The following KCNH7 variants were observed in gnomAD, a reference collection of about 807,000 sequenced individuals.
The protein encoded by KCNH7 is potassium voltage-gated channel subfamily H member 7.
In KCNH7, 49 loss-of-function variants were observed where a neutral mutation model predicts 120.8. The ratio of observed to expected loss-of-function variants is 0.41; its 90% confidence interval spans 0.32 to 0.51. The LOEUF is 0.51. KCNH7 is among the 20% of genes least tolerant of loss of function. The pLI is 0.38. For missense variants in KCNH7, 1,097 were observed against 1,446.6 expected, an observed-to-expected ratio of 0.76 and a Z score of 3.92; for synonymous variants, 547 against 516.1, an observed-to-expected ratio of 1.06 and a Z score of -0.81.
intron 2 of KCNH7, among the ~76,000 whole-genome samples, chr2:162,571,754 T>C (rs1382132108): frequency 7.4e-6 from 1 of 135,174 alleles, no homozygotes; most frequent in Non-Finnish European, 1.5e-5. Flanking sequence ...TATCTACAAC[T>C]ATCTGATCTT....
At chr2:162,810,717 A>G (rs1273821115) in intron 2 of KCNH7, among the ~76,000 whole-genome samples, 1 of 152,156 alleles carries the variant, frequency 6.6e-6, no homozygotes, top group Non-Finnish European at 1.5e-5. Context: ...CTTAACAGAC[A>G]TGATTTTATG....
intron 9 of KCNH7, among the ~76,000 whole-genome samples, chr2:162,410,831 A>C (rs528335510): frequency 1.1e-3 from 172 of 152,280 alleles, no homozygotes; most frequent in Non-Finnish European, 2.1e-3. Context: ...ACCAGTGGCC[A>C]AGAAACATAT....
chr2:162,592,812 G>T (rs1378107958), intron 2 of KCNH7, among the ~76,000 whole-genome samples: 1 of 152,020 alleles, frequency 6.6e-6, no homozygotes, highest in Admixed American at 6.6e-5. Context: ...AGCTGGCCAC[G>T]TTTACAAATA....
chr2:162,562,577 T>C (rs1052717148), intron 2 of KCNH7, among the ~76,000 whole-genome samples: 1 of 152,178 alleles, frequency 6.6e-6, no homozygotes, highest in African/African-American at 2.4e-5. Context: ...ACTCGGTCCT[T>C]AGCTCAGACG....
intron 2 of KCNH7, among the ~76,000 whole-genome samples, chr2:162,643,385 A>G (rs142896719): frequency 6.4e-4 from 98 of 152,318 alleles, no homozygotes; most frequent in African/African-American, 1.6e-3. Flanking sequence ...ACCTCTCAGA[A>G]TATTTTTTAC....
At chr2:162,409,106 A>G (rs1454119231) in intron 9 of KCNH7, among the ~76,000 whole-genome samples, 1 of 151,766 alleles carries the variant, frequency 6.6e-6, no homozygotes, top group African/African-American at 2.4e-5. Flanking sequence ...TGAAAATGAA[A>G]AGAACAGTAG....
intron 2 of KCNH7, among the ~76,000 whole-genome samples, chr2:162,545,206 C>T (rs370921262): frequency 6.6e-6 from 1 of 152,138 alleles, no homozygotes; most frequent in Non-Finnish European, 1.5e-5. Context: ...ATGTCCTTCT[C>T]TAGGAGATGC....
At chr2:162,447,959 A>T (rs1688638522) in intron 6 of KCNH7, among the ~76,000 whole-genome samples, 1 of 152,124 alleles carries the variant, frequency 6.6e-6, no homozygotes, top group Non-Finnish European at 1.5e-5. Context: ...TCAAAAAATA[A>T]TAAAGAATCT....
chr2:162,513,636 G>A (rs921984130), intron 4 of KCNH7, among the ~76,000 whole-genome samples: 1 of 151,358 alleles, frequency 6.6e-6, no homozygotes, highest in African/African-American at 2.4e-5. Context: ...AACCACACCA[G>A]TCTGCCTGGC....
intron 2 of KCNH7, among the ~76,000 whole-genome samples, chr2:162,768,294 G>A (rs555234105): frequency 6.6e-6 from 1 of 151,958 alleles, no homozygotes; most frequent in African/African-American, 2.4e-5. Flanking sequence ...TTGGAGAAAG[G>A]CCTCAAATTG....
rs1186896889 is a variant in KCNH7, at chr2:162,741,319, T to TGTGTA, written c.307+95217_307+95218insTACAC. Among the ~76,000 whole-genome samples the TGTGTA allele has an allele frequency of 1.4e-4, 21 of 149,786 alleles. No homozygotes were observed. The East Asian group carries it at 3.9e-3, about 28-fold the overall frequency. ...AATAACATATGTTATTAATTACACATATTAATAACATATGTTATTAATTAT... is the reference window on the plus strand; with the variant it reads ...AATAACATATGTTATTAATTACACATGTGTAATTAATAACATATGTTATTAATTAT... On this transcript the variant is annotated intron_variant, in intron 2 of 15. Transcript: ENST00000332142.
chr2:162,800,923 CT>C (rs1559140288), intron 2 of KCNH7, among the ~76,000 whole-genome samples: 1 of 151,754 alleles, frequency 6.6e-6, no homozygotes, highest in Non-Finnish European at 1.5e-5. Context: ...GAAAAACAGA[CT>C]TTAAGGTGAT....
At chr2:162,656,487 C>T (rs889158449) in intron 2 of KCNH7, among the ~76,000 whole-genome samples, 3 of 152,046 alleles carry the variant, frequency 2.0e-5, no homozygotes, top group Admixed American at 1.3e-4. Flanking sequence ...AATCATAAAT[C>T]GAAAGCATAT....
chr2:162,574,635 T>A (rs1483215626), intron 2 of KCNH7, among the ~76,000 whole-genome samples: 2 of 152,076 alleles, frequency 1.3e-5, no homozygotes, highest in African/African-American at 4.8e-5. Flanking sequence ...AGAAGAACAA[T>A]CCATGGGTTC....
intron 2 of KCNH7, among the ~76,000 whole-genome samples, chr2:162,782,480 G>A (rs1683536831): frequency 1.3e-5 from 2 of 152,188 alleles, no homozygotes; most frequent in Non-Finnish European, 2.9e-5. Flanking sequence ...AGCAGAGCAT[G>A]TCTGACATTT....
chr2:162,468,854 C>CT (rs531099082), intron 6 of KCNH7, among the ~76,000 whole-genome samples: 4,093 of 143,652 alleles, frequency 0.028, 135 homozygotes, highest in African/African-American at 0.083. Context: ...GCCTCTTTCC[C>CT]TTTTTTTTTT....
intron 9 of KCNH7, among the ~76,000 whole-genome samples, chr2:162,404,316 ACCCAG>A (rs1002171029): frequency 2.0e-5 from 3 of 151,956 alleles, no homozygotes; most frequent in African/African-American, 7.2e-5. Flanking sequence ...AAGAAACACC[ACCCAG>A]AATCAGTTTC....
intron 2 of KCNH7, among the ~76,000 whole-genome samples, chr2:162,627,702 C>A (rs2105209938): frequency 6.6e-6 from 1 of 152,254 alleles, no homozygotes; most frequent in East Asian, 1.9e-4. Context: ...TTGGCTTGGA[C>A]CCTGGAGTAA....
chr2:162,825,257 C>A (rs950692227), intron 2 of KCNH7, among the ~76,000 whole-genome samples: 4 of 151,788 alleles, frequency 2.6e-5, no homozygotes, highest in African/African-American at 9.7e-5. Context: ...ATCCTCATTG[C>A]TCCCTAGGTT....
Sources: gnomAD v4.1 joint callset for allele counts (sites outside exome capture counted in the v4.1 genomes callset) on GRCh38, gnomAD v4.1.1 for gene constraint, MANE v1.5 for transcripts, NCBI Gene and HGNC (gene_info 2026-07-23, HGNC 2026-07-21) for gene names.